Variants in PCCA observed in about 807,000 individuals in gnomAD.
The protein encoded by PCCA is propionyl-CoA carboxylase alpha chain, mitochondrial.
PCCA carries 74 observed loss-of-function variants against 101.3 expected under a neutral mutation model. The ratio of observed to expected loss-of-function variants is 0.73; its 90% CI spans 0.61 to 0.89. The LOEUF is 0.89. PCCA is among the 40% of genes least tolerant of loss of function. The pLI is 0.00. For missense variants in PCCA, 891 were observed against 907.0 expected (o/e 0.98, Z 0.23); for synonymous variants, 294 against 313.6 (o/e 0.94, Z 0.66).
chr13:100,483,245 C>T (rs1410988197), intron 21 of PCCA, among the ~76,000 whole-genome samples: 2 of 151,680 alleles, frequency 1.3e-5, no homozygotes, highest in Non-Finnish European at 2.9e-5. Flanking sequence ...CAAAAGTGAG[C>T]CTTTCAGGGA....
At chr13:100,260,220 T>G (rs2062393687) in intron 9 of PCCA, among the ~76,000 whole-genome samples, 1 of 152,178 alleles carries the variant, frequency 6.6e-6, no homozygotes, top group Non-Finnish European at 1.5e-5. Context: ...AACAATGTAA[T>G]GGAGGACTTT....
intron 6 of PCCA, among the ~76,000 whole-genome samples, chr13:100,173,726 C>T (rs1319966658): frequency 7.5e-6 from 1 of 133,760 alleles, no homozygotes; most frequent in Non-Finnish European, 1.6e-5. Flanking sequence ...ACCCAAATCT[C>T]ATCTTGAATT....
chr13:100,210,452 A>G (rs1471654485), intron 7 of PCCA, among the ~76,000 whole-genome samples: 1 of 152,266 alleles, frequency 6.6e-6, no homozygotes, highest in East Asian at 1.9e-4. Context: ...TGTGTTAAAC[A>G]TTAAGAGTTT....
chr13:100,233,966 C>G (rs576872032), intron 7 of PCCA, among the ~76,000 whole-genome samples: 3 of 152,294 alleles, frequency 2.0e-5, no homozygotes, highest in Admixed American at 6.5e-5. Context: ...CAAAATATGT[C>G]TAATGAATTT....
At chr13:100,089,375 C>G in intron 1 of PCCA, 150 bp downstream of exon 1, 2 of 1,128,892 alleles carry the variant, frequency 1.8e-6, no homozygotes, top group East Asian at 3.2e-5. Flanking sequence ...TTTCCTCCCT[C>G]CCGGAGTTCG....
At chr13:100,328,368 ATATAT>A (rs2068961368) in intron 16 of PCCA, among the ~76,000 whole-genome samples, 1 of 83,794 alleles carries the variant, frequency 1.2e-5, no homozygotes, top group Admixed American at 1.6e-4. Context: ...GTCTCAAAAA[ATATAT>A]AATAATAATA....
chr13:100,458,886 T>C (rs550021830), intron 21 of PCCA, among the ~76,000 whole-genome samples: 1 of 152,270 alleles, frequency 6.6e-6, no homozygotes, highest in Admixed American at 6.5e-5. Flanking sequence ...GTTAGTTTCC[T>C]AGGGCTGATG....
At chr13:100,256,247 C>T (rs1487719154) in intron 8 of PCCA, among the ~76,000 whole-genome samples, 1 of 152,066 alleles carries the variant, frequency 6.6e-6, no homozygotes, top group African/African-American at 2.4e-5. Context: ...CCTCGTAATT[C>T]GCCCACCTCA....
intron 6 of PCCA, among the ~76,000 whole-genome samples, chr13:100,188,672 A>T (rs1185763731): frequency 6.6e-6 from 1 of 152,214 alleles, no homozygotes; most frequent in Non-Finnish European, 1.5e-5. Context: ...TACATTCCCA[A>T]TAGCAGTGTA....
intron 2 of PCCA, chr13:100,104,355 CA>C (rs2047558543): frequency 2.0e-5 from 3 of 152,154 alleles, no homozygotes; most frequent in Non-Finnish European, 4.4e-5. Context: ...TGTCCCCATC[CA>C]AATCTCATCT....
intron 4 of PCCA, chr13:100,150,823 C>T (rs2152373000): frequency 5.1e-6 from 8 of 1,583,636 alleles, no homozygotes; most frequent in South Asian, 1.1e-5. Context: ...CAAACTTTAG[C>T]TGGTTAACAC....
At chr13:100,195,628 G>A (rs931549928) in intron 6 of PCCA, among the ~76,000 whole-genome samples, 1 of 152,094 alleles carries the variant, frequency 6.6e-6, no homozygotes, top group Non-Finnish European at 1.5e-5. Flanking sequence ...AGTGCAACCA[G>A]TCTAAGGTTT....
chr13:100,226,465 G>A lies in PCCA; in HGVS notation c.601-9377G>A, dbSNP rs118028008. On this transcript the variant is annotated intron_variant, in intron 7 of 23. Coordinates refer to ENST00000376285, the MANE Select transcript of PCCA (RefSeq NM_000282.4). ...GATGTCTGAATCATGAATGGTGGTC[G>A]GCGTTGACACTAATACCACTATCAA... 2.0e-3 allele frequency among the ~76,000 whole-genome samples: 302 copies of A among 152,160 alleles called. 3 individuals carry two copies. In the East Asian group the frequency reaches 0.02, roughly 10 times the overall value.
At chr13:100,524,946 GGATA>G (rs2087637401) in intron 22 of PCCA, among the ~76,000 whole-genome samples, 3 of 151,400 alleles carry the variant, frequency 2.0e-5, no homozygotes, top group Non-Finnish European at 4.4e-5. Flanking sequence ...AGATTAGATA[GGATA>G]GATAGGATAG....
chr13:100,349,510 G>A (rs938565405), intron 18 of PCCA, among the ~76,000 whole-genome samples: 4 of 151,676 alleles, frequency 2.6e-5, no homozygotes, highest in African/African-American at 9.7e-5. Flanking sequence ...TCATCCACCT[G>A]CTTTGGCCTC....
At chr13:100,310,043 C>A (rs1232114558) in intron 16 of PCCA, 135 bp downstream of exon 16, 1 of 695,974 alleles carries the variant, frequency 1.4e-6, no homozygotes, top group African/African-American at 1.8e-5. Context: ...AAGAAAAACT[C>A]AAATCCATCA....
At chr13:100,186,890 G>T (rs1390418373) in intron 6 of PCCA, among the ~76,000 whole-genome samples, 1 of 152,154 alleles carries the variant, frequency 6.6e-6, no homozygotes, top group East Asian at 1.9e-4. Context: ...ATTGAGAATT[G>T]TGCAGTGAGT....
At chr13:100,450,077 A>G (rs888369408) in intron 21 of PCCA, among the ~76,000 whole-genome samples, 2 of 152,272 alleles carry the variant, frequency 1.3e-5, no homozygotes, top group East Asian at 3.9e-4. Flanking sequence ...TTTTCAAACT[A>G]ATTTGTTTAA....
At chr13:100,423,006 G>GT (rs78572124) in intron 19 of PCCA, among the ~76,000 whole-genome samples, 4,424 of 137,988 alleles carry the variant, frequency 0.032, 183 homozygotes, top group African/African-American at 0.095. Flanking sequence ...TTTTCTCTGA[G>GT]TTTTTTTTTT....
Sources: gnomAD v4.1 joint callset for allele counts (sites outside exome capture counted in the v4.1 genomes callset) on GRCh38, gnomAD v4.1.1 for gene constraint, MANE v1.5 for transcripts, NCBI Gene and HGNC (gene_info 2026-07-23, HGNC 2026-07-21) for gene names.